Variants in XPNPEP1 observed in about 807,000 individuals in gnomAD.
XPNPEP1 encodes X-prolyl aminopeptidase 1, also known as xaa-Pro aminopeptidase 1.
A neutral mutation model predicts 92.4 loss-of-function variants in XPNPEP1; 39 were observed. That is an observed-to-expected ratio of 0.42 (90% CI 0.33 to 0.55). XPNPEP1 has a LOEUF of 0.55. XPNPEP1 is among the 20% of genes least tolerant of loss of function. The pLI is 0.08. For missense variants in XPNPEP1, 654 were observed against 856.1 expected, an observed-to-expected ratio of 0.76 and a Z score of 2.95; for synonymous variants, 307 against 299.4, an observed-to-expected ratio of 1.03 and a Z score of -0.26.
chr10:109,894,956 C>T (rs568582003), intron 3 of XPNPEP1, among the ~76,000 whole-genome samples: 2 of 152,202 alleles, frequency 1.3e-5, no homozygotes, highest in African/African-American at 2.4e-5. Flanking sequence ...AAAGTAACAA[C>T]GGGGGGAAGG....
rs143281370 is a variant in XPNPEP1, at chr10:109,911,558, C to A, written c.121+3453G>T. On this transcript the variant is annotated intron_variant, in intron 2 of 20. Coordinates refer to ENST00000502935, the MANE Select transcript of XPNPEP1 (RefSeq NM_020383.4). ...CATTGTGATCTCCCAAGCTTGCCAG[C>A]ATCTAAAAATTTTACTCTGATATCT... Among the ~76,000 whole-genome samples, 3 of 152,310 alleles carry A rather than the reference C, an allele frequency of 2.0e-5. No homozygotes were observed. The East Asian group carries it at 5.8e-4, about 29-fold the overall frequency.
In XPNPEP1 at chr10:109,880,208, A is replaced by G; in HGVS notation, c.1162T>C (p.Phe388Leu). The part of the protein sequence containing the change: ...IKDAVALCEL[F>L]NWLEKEVPKG... ...CCAACCTCTTTCTCCAGCCAGTTAA[A>G]GAGTTCACAGAGAGCAACAGCATCT... The change falls in exon 12 of 21, where the codon TTT (phenylalanine) becomes CTT (leucine). Residue 388 changes from phenylalanine to leucine, a missense_variant. By Grantham distance (22) the Phe-to-Leu change is conservative (BLOSUM62 0). Transcript: ENST00000502935. The G allele has an allele frequency of 1.2e-6, 2 of 1,614,054 alleles. No individual in the cohort carries two copies. The highest frequency in any genetic ancestry group is 1.7e-6 in the Non-Finnish European group (2 of 1,180,036).
chr10:109,888,399 G>T, intron 6 of XPNPEP1, 104 bp downstream of exon 6: 1 of 1,293,436 alleles, frequency 7.7e-7, no homozygotes, highest in Non-Finnish European at 1.1e-6. Flanking sequence ...AATCAGTCAT[G>T]CTGAGCCCCC....
chr10:109,872,104 T>G (rs1190408310), intron 16 of XPNPEP1, among the ~76,000 whole-genome samples: 1 of 152,226 alleles, frequency 6.6e-6, no homozygotes, highest in Non-Finnish European at 1.5e-5. Flanking sequence ...GACTTTATAA[T>G]GAACACTCTG....
rs1847183371 is a variant in XPNPEP1 at position 109,867,051 on chromosome 10, G to A, written c.1872+1563C>T. On this transcript the variant is annotated intron_variant, in intron 20 of 20. Coordinates refer to ENST00000502935, the MANE Select transcript of XPNPEP1 (RefSeq NM_020383.4). This position sits in a 1 kb window ranked among gnomAD's most constrained non-coding sequence, Gnocchi z 4.5. The stretch of plus-strand genomic sequence containing the variant: ...TGGGTACACTTTATGTGGACAGGAA[G>A]GACTGCATGACCTAGAATTACTTGG... Among the ~76,000 whole-genome samples, 1 of 152,230 alleles carries A rather than the reference G, an allele frequency of 6.6e-6. No homozygotes were observed. The highest frequency in any genetic ancestry group is 1.5e-5 in the Non-Finnish European group (1 of 68,040).
intron 5 of XPNPEP1, 71 bp downstream of exon 5, chr10:109,891,651 G>T: frequency 8.0e-7 from 1 of 1,257,324 alleles, no homozygotes; most frequent in Non-Finnish European, 1.1e-6. Flanking sequence ...AGATCCAGGA[G>T]TCCTGAGGAC....
At chr10:109,880,043 A>C (rs768374965) in intron 12 of XPNPEP1, 145 bp downstream of exon 12, 3 of 656,900 alleles carry the variant, frequency 4.6e-6, no homozygotes, top group Non-Finnish European at 7.5e-6. Flanking sequence ...ATTTCCAGAG[A>C]GAATTATTAA....
intron 1 of XPNPEP1, among the ~76,000 whole-genome samples, chr10:109,919,328 A>ATAGACAT (rs1850397928): frequency 6.6e-6 from 1 of 152,352 alleles, no homozygotes; most frequent in South Asian, 2.1e-4. Flanking sequence ...AAGGATCTGA[A>ATAGACAT]TAGACATTTC....
At chr10:109,875,218 C>T (rs1157924258) in intron 15 of XPNPEP1, among the ~76,000 whole-genome samples, 1 of 152,194 alleles carries the variant, frequency 6.6e-6, no homozygotes, top group Non-Finnish European at 1.5e-5. Context: ...GCAGGCGGTT[C>T]ATGGGCTGGG....
chr10:109,885,598 G>C (rs1212368247), intron 8 of XPNPEP1, among the ~76,000 whole-genome samples: 1 of 152,182 alleles, frequency 6.6e-6, no homozygotes, highest in Non-Finnish European at 1.5e-5. Flanking sequence ...CTGCAGTAGG[G>C]TCTCATTCTC....
chr10:109,914,093 A>C (rs1316202570), intron 2 of XPNPEP1, among the ~76,000 whole-genome samples: 1 of 152,156 alleles, frequency 6.6e-6, no homozygotes, highest in Non-Finnish European at 1.5e-5. Context: ...GCTAAAAAAA[A>C]AAAAAACACA....
intron 12 of XPNPEP1, among the ~76,000 whole-genome samples, chr10:109,878,799 T>C (rs144213792): frequency 6.1e-4 from 93 of 151,410 alleles, no homozygotes; most frequent in African/African-American, 2.2e-3. Flanking sequence ...TCACCTGAGC[T>C]TGGGGAGGCT....
chr10:109,883,851 A>G, intron 9 of XPNPEP1: 1 of 487,536 alleles, frequency 2.1e-6, no homozygotes, highest in Non-Finnish European at 3.6e-6. Flanking sequence ...AGACACTTTC[A>G]TGCGTTTCAA....
chr10:109,891,939 G>A (rs1848727388), intron 4 of XPNPEP1, 113 bp from the exon 5 acceptor site: 2 of 906,346 alleles, frequency 2.2e-6, no homozygotes, highest in Admixed American at 2.4e-5. Flanking sequence ...GCTCCTAGTG[G>A]GGCAGATGGG....
At chr10:109,873,263 C>T (rs1589548804) in intron 16 of XPNPEP1, 104 bp downstream of exon 16, 7 of 1,345,790 alleles carry the variant, frequency 5.2e-6, no homozygotes, top group Admixed American at 3.8e-5. Flanking sequence ...AATTTTACTA[C>T]CCCACATGTA....
chr10:109,880,258 AT>A lies in XPNPEP1; in HGVS notation c.1132-21del. The A allele has an allele frequency of 6.2e-7, 1 of 1,613,374 alleles. No individual in the cohort carries two copies. ...TTTAATCTGTGCAAACAATGGAGAC[AT>A]TTTTTAAGTTATCACTGAAAATCAC... On this transcript the variant is annotated intron_variant, in intron 11 of 20. Transcript: ENST00000502935.
At position 109,864,935 on chromosome 10, in the gene XPNPEP1, T is replaced by G. The variant is rs1425389213; in HGVS notation, c.*249A>C. ...CTTCCTTTCACCAAGTGTTCAACTT[T>G]GGAGGGACCCTCCTTCTGGTGCAGC... On this transcript the variant is annotated 3_prime_UTR_variant, in exon 21 of 21. Coordinates refer to ENST00000502935, the MANE Select transcript of XPNPEP1 (RefSeq NM_020383.4). The G allele has an allele frequency of 1.9e-6, 1 of 513,662 alleles. No individual in the cohort carries two copies. The highest frequency in any genetic ancestry group is 3.4e-6 in the Non-Finnish European group (1 of 297,922). The allele number at this position is 513,662 out of a possible 1,614,324, so 31.8% of individuals were successfully genotyped here.
chr10:109,877,900 A>T, intron 13 of XPNPEP1, 33 bp from the exon 14 acceptor site: 32 of 1,614,194 alleles, frequency 2.0e-5, no homozygotes, highest in Non-Finnish European at 2.7e-5. Flanking sequence ...AGAGTGGCTT[A>T]AAGGTTTTTA....
Position 109,865,715 on chromosome 10 carries a change from A to G in XPNPEP1, c.1873-403T>C, listed in dbSNP as rs572812253. On this transcript the variant is annotated intron_variant, in intron 20 of 20. Coordinates refer to ENST00000502935, the MANE Select transcript of XPNPEP1 (RefSeq NM_020383.4). Reference sequence around the variant, plus strand: ...CTGTCCTGCCAACACACTGGGCTACATATCCTATATCCACTGAAAAAGCTG... The same window carrying G: ...CTGTCCTGCCAACACACTGGGCTACGTATCCTATATCCACTGAAAAAGCTG... 5.1e-4 allele frequency among the ~76,000 whole-genome samples: 78 copies of G among 152,340 alleles called. 3 individuals are homozygous for G. In the East Asian group the frequency reaches 6.2e-3, roughly 12 times the overall value.
Sources: allele counts gnomAD v4.1 joint callset (sites outside exome capture counted in the v4.1 genomes callset), GRCh38; gene constraint gnomAD v4.1.1; non-coding constraint Gnocchi (gnomAD v3.1); transcripts MANE v1.5; gene names NCBI Gene and HGNC (gene_info 2026-07-23, HGNC 2026-07-21).